DENND5B: variants seen among roughly 807,000 people sequenced by gnomAD.
The protein encoded by DENND5B is DENN domain-containing protein 5B.
Under a neutral mutation model 140.6 loss-of-function variants are expected in DENND5B, and 34 were observed. That is an observed-to-expected ratio of 0.24 (90% CI 0.18 to 0.32). DENND5B has a LOEUF of 0.32. DENND5B is among the 10% of genes least tolerant of loss of function. The probability of loss-of-function intolerance (pLI) is 1.00; values close to 1 mark genes in which losing one functional copy is unlikely to be tolerated. For missense variants in DENND5B, 1,142 were observed against 1,560.2 expected, an observed-to-expected ratio of 0.73 and a Z score of 4.52; for synonymous variants, 551 against 562.1, an observed-to-expected ratio of 0.98 and a Z score of 0.28.
chr12:31,536,725 A>G (rs929896509), intron 1 of DENND5B, among the ~76,000 whole-genome samples: 15 of 152,184 alleles, frequency 9.9e-5, no homozygotes, highest in Non-Finnish European at 2.1e-4. Flanking sequence ...ATCCAAATAT[A>G]AGAAGATTAC....
In DENND5B at chr12:31,460,029, C is replaced by T. The variant is rs1944942600; in HGVS notation, c.1092+165G>A. On this transcript the variant is annotated intron_variant, in intron 4 of 20. Coordinates refer to ENST00000389082, the MANE Select transcript of DENND5B (RefSeq NM_144973.4). ...TTAATGACTATGTAGTAGTCATCAT[C>T]AAGAGTCTGCATTCTATAGCTCAGG... 2.0e-5 allele frequency among the ~76,000 whole-genome samples: 3 copies of T among 152,212 alleles called. No individual in the cohort carries two copies. In the South Asian group the frequency reaches 6.2e-4, roughly 32 times the overall value.
chr12:31,407,845 T>G (rs1942218641), intron 14 of DENND5B, among the ~76,000 whole-genome samples: 1 of 152,250 alleles, frequency 6.6e-6, no homozygotes, highest in African/African-American at 2.4e-5. Flanking sequence ...ATTACTATGC[T>G]GTAAACCACT....
At chr12:31,401,300 G>A (rs573702985) in intron 15 of DENND5B, among the ~76,000 whole-genome samples, 11 of 152,268 alleles carry the variant, frequency 7.2e-5, no homozygotes, top group African/African-American at 2.6e-4. Context: ...GGCAATGATG[G>A]GGGTTTTAAT....
intron 1 of DENND5B, among the ~76,000 whole-genome samples, chr12:31,548,305 G>T (rs919024133): frequency 6.6e-6 from 1 of 151,560 alleles, no homozygotes; most frequent in African/African-American, 2.4e-5. Context: ...TGAGGTATAG[G>T]ATCACCTGAG....
At chr12:31,573,607 T>A (rs1949898325) in intron 1 of DENND5B, among the ~76,000 whole-genome samples, 1 of 152,242 alleles carries the variant, frequency 6.6e-6, no homozygotes, top group East Asian at 1.9e-4. Flanking sequence ...TCGTTCAATA[T>A]TCATTAAGTA....
intron 17 of DENND5B, among the ~76,000 whole-genome samples, chr12:31,395,409 C>A (rs1413368558): frequency 6.6e-6 from 1 of 152,168 alleles, no homozygotes; most frequent in Non-Finnish European, 1.5e-5. Flanking sequence ...GCCTGGCCAA[C>A]ATGGTGAAAC....
At chr12:31,430,197 A>AT (rs1943445706) in intron 8 of DENND5B, among the ~76,000 whole-genome samples, 1 of 148,750 alleles carries the variant, frequency 6.7e-6, no homozygotes, top group African/African-American at 2.5e-5. Flanking sequence ...TAGTTTTTGT[A>AT]TTTTTAGCAG....
At chr12:31,433,604 C>T (rs1943612842) in intron 7 of DENND5B, among the ~76,000 whole-genome samples, 1 of 152,150 alleles carries the variant, frequency 6.6e-6, no homozygotes, top group African/African-American at 2.4e-5. Context: ...AATGCCTTGA[C>T]TTGCTCAAAG....
intron 11 of DENND5B, among the ~76,000 whole-genome samples, chr12:31,422,752 T>A (rs916088773): frequency 1.3e-5 from 2 of 152,158 alleles, no homozygotes; most frequent in Non-Finnish European, 2.9e-5. Context: ...AAGAAAAGCA[T>A]GTGTTGTTGT....
chr12:31,409,622 G>A (rs1201174262), intron 13 of DENND5B, among the ~76,000 whole-genome samples: 3 of 151,962 alleles, frequency 2.0e-5, no homozygotes, highest in Non-Finnish European at 2.9e-5. Flanking sequence ...GGGATTACAG[G>A]CATGTGCCAC....
intron 1 of DENND5B, among the ~76,000 whole-genome samples, chr12:31,517,807 A>C (rs1351504878): frequency 6.6e-6 from 1 of 152,202 alleles, no homozygotes; most frequent in Non-Finnish European, 1.5e-5. Flanking sequence ...GAAGTGAAGC[A>C]CAGGGGTTCT....
chr12:31,533,551 T>C (rs893191699), intron 1 of DENND5B, among the ~76,000 whole-genome samples: 2 of 152,204 alleles, frequency 1.3e-5, no homozygotes, highest in African/African-American at 2.4e-5. Context: ...AAGGTTTCTA[T>C]AAAACAAAGA....
chr12:31,468,656 A>T (rs1212681198), intron 3 of DENND5B, among the ~76,000 whole-genome samples: 4 of 151,626 alleles, frequency 2.6e-5, no homozygotes, highest in Non-Finnish European at 5.9e-5. Flanking sequence ...AAAATAAAAA[A>T]AAAAATTAGC....
intron 1 of DENND5B, among the ~76,000 whole-genome samples, chr12:31,588,419 G>A (rs1950475121): frequency 6.6e-6 from 1 of 152,154 alleles, no homozygotes; most frequent in African/African-American, 2.4e-5. Context: ...CGTGGACTCC[G>A]CATCCACAGA....
chr12:31,387,098 C>T lies in DENND5B; in HGVS notation c.*505G>A, dbSNP rs1940887731. ...AAGATAGAAGTGAAGACTACCAGTA[C>T]AGTAGGTAAAGCTGTGTGCATCCAC... On this transcript the variant is annotated 3_prime_UTR_variant, in exon 21 of 21. Coordinates refer to ENST00000389082, the MANE Select transcript of DENND5B (RefSeq NM_144973.4). 1 of 152,436 alleles carries T rather than the reference C, an allele frequency of 6.6e-6. No individual in the cohort carries two copies. The highest frequency in any genetic ancestry group is 1.5e-5 in the Non-Finnish European group (1 of 68,228). The allele number at this position is 152,436 out of a possible 1,614,324, so 9.4% of individuals were successfully genotyped here.
intron 7 of DENND5B, among the ~76,000 whole-genome samples, chr12:31,433,793 C>T (rs954017594): frequency 6.6e-6 from 1 of 152,046 alleles, no homozygotes; most frequent in Non-Finnish European, 1.5e-5. Context: ...GCACTTTGGC[C>T]GGATCACTTG....
chr12:31,402,660 G>C lies in DENND5B; in HGVS notation c.2804-17C>G. On this transcript the variant is annotated splice_polypyrimidine_tract_variant and intron_variant, in intron 14 of 20. Coordinates refer to ENST00000389082, the MANE Select transcript of DENND5B (RefSeq NM_144973.4). ...ACGGAATCACTGAAAGAAAAATGCA[G>C]AAATTAATTAAAAAGCGGGAATAAA... is the stretch of plus-strand genomic sequence containing the variant. 1 of 1,579,598 alleles carries C rather than the reference G, an allele frequency of 6.3e-7. No homozygotes were observed. Among genetic ancestry groups the C allele is most frequent in the South Asian group, 1.2e-5 (1 of 84,302 alleles).
chr12:31,501,920 G>A (rs1271323621), intron 1 of DENND5B, among the ~76,000 whole-genome samples: 1 of 152,220 alleles, frequency 6.6e-6, no homozygotes, highest in East Asian at 1.9e-4. Context: ...TGTGGGGTGA[G>A]GCAAGTATAT....
intron 6 of DENND5B, among the ~76,000 whole-genome samples, chr12:31,446,677 C>T (rs1477977729): frequency 6.7e-6 from 1 of 149,514 alleles, no homozygotes; most frequent in Non-Finnish European, 1.5e-5. Context: ...TGGGCGATCA[C>T]GAGGTCGGGA....
Sources: gnomAD v4.1 joint callset for allele counts (sites outside exome capture counted in the v4.1 genomes callset) on GRCh38, gnomAD v4.1.1 for gene constraint, MANE v1.5 for transcripts, NCBI Gene and HGNC (gene_info 2026-07-23, HGNC 2026-07-21) for gene names.